DOCK1: variants seen among roughly 807,000 people sequenced by gnomAD.
The protein encoded by DOCK1 is dedicator of cytokinesis protein 1.
A neutral mutation model predicts 262.7 loss-of-function variants in DOCK1; 138 were observed. That is an observed-to-expected ratio of 0.53 (90% CI 0.46 to 0.61). The LOEUF (loss-of-function observed/expected upper bound fraction) is 0.61, where lower values mean the gene tolerates loss of function less well. Among genes scored for constraint, DOCK1 ranks in the 20% least tolerant of loss-of-function variants. DOCK1 has a pLI of 0.00. For missense variants in DOCK1, 1,908 were observed against 2,370.7 expected (o/e 0.80, Z 4.05); for synonymous variants, 866 against 867.4 (o/e 1.00, Z 0.03).
intron 27 of DOCK1, among the ~76,000 whole-genome samples, chr10:127,186,749 G>A (rs1250963594): frequency 6.6e-6 from 1 of 152,034 alleles, no homozygotes; most frequent in Non-Finnish European, 1.5e-5. Context: ...CCACACTGCT[G>A]TTGTCCATTG....
chr10:127,067,011 A>C (rs1005917392), intron 23 of DOCK1, among the ~76,000 whole-genome samples: 2 of 152,260 alleles, frequency 1.3e-5, no homozygotes, highest in Non-Finnish European at 2.9e-5. Context: ...TGCCATCCAC[A>C]TCAATGGAGA....
chr10:127,277,223 T>C (rs2060774677), intron 29 of DOCK1, among the ~76,000 whole-genome samples: 1 of 150,570 alleles, frequency 6.6e-6, no homozygotes, highest in Non-Finnish European at 1.5e-5. Flanking sequence ...TTTTATCCTA[T>C]ACAATTATAA....
intron 1 of DOCK1, among the ~76,000 whole-genome samples, chr10:126,934,229 A>G (rs1161011128): frequency 3.3e-5 from 5 of 152,226 alleles, no homozygotes; most frequent in African/African-American, 4.8e-5. Flanking sequence ...TAGTCTAAAC[A>G]GGATCTAGAT....
chr10:127,107,271 G>A (rs1452399719), intron 24 of DOCK1, among the ~76,000 whole-genome samples: 1 of 152,092 alleles, frequency 6.6e-6, no homozygotes, highest in Non-Finnish European at 1.5e-5. Flanking sequence ...TATTAGTAAA[G>A]GGCCATCTGT....
At chr10:127,065,098 C>T (rs2045779016) in intron 23 of DOCK1, among the ~76,000 whole-genome samples, 1 of 152,184 alleles carries the variant, frequency 6.6e-6, no homozygotes, top group Admixed American at 6.5e-5. Context: ...CAACCTCTGC[C>T]TTCCCGGTTC....
chr10:126,941,397 TTA>T (rs1367224908), intron 1 of DOCK1, among the ~76,000 whole-genome samples: 6 of 151,206 alleles, frequency 4.0e-5, no homozygotes, highest in Non-Finnish European at 7.4e-5. Flanking sequence ...AGTTTTAACT[TTA>T]GTCTTTTAAA....
intron 25 of DOCK1, among the ~76,000 whole-genome samples, chr10:127,112,301 C>T (rs1592072740): frequency 1.3e-5 from 2 of 152,252 alleles, no homozygotes; most frequent in East Asian, 1.9e-4. Flanking sequence ...CGTGAGCCAC[C>T]GAGCCTGACC....
At chr10:127,366,123 A>G (rs2064892834) in intron 33 of DOCK1, among the ~76,000 whole-genome samples, 1 of 152,048 alleles carries the variant, frequency 6.6e-6, no homozygotes, top group Non-Finnish European at 1.5e-5. Context: ...GAGCGTGGTC[A>G]GCTACCTGAA....
intron 22 of DOCK1, among the ~76,000 whole-genome samples, chr10:127,053,612 T>A (rs558932950): frequency 6.6e-5 from 10 of 152,330 alleles, no homozygotes; most frequent in African/African-American, 2.4e-4. Context: ...ACAAAAAATG[T>A]ATTTATTACC....
At chr10:127,431,893 G>A (rs1007160671) in intron 47 of DOCK1, among the ~76,000 whole-genome samples, 1 of 152,320 alleles carries the variant, frequency 6.6e-6, no homozygotes, top group Admixed American at 6.5e-5. Flanking sequence ...TGGCCCGTTA[G>A]GAACTGGGCC....
intron 27 of DOCK1, among the ~76,000 whole-genome samples, chr10:127,153,049 G>A (rs1383262025): frequency 1.3e-5 from 2 of 152,072 alleles, no homozygotes; most frequent in African/African-American, 2.4e-5. Context: ...TTTTTAGAGG[G>A]TTTTTTGGTT....
At chr10:127,217,394 A>G (rs1238564921) in intron 27 of DOCK1, among the ~76,000 whole-genome samples, 1 of 152,252 alleles carries the variant, frequency 6.6e-6, no homozygotes, top group African/African-American at 2.4e-5. Flanking sequence ...GATTTACTGG[A>G]AACCAAATTG....
chr10:127,261,507 G>C (rs2060114699), intron 29 of DOCK1, among the ~76,000 whole-genome samples: 3 of 137,466 alleles, frequency 2.2e-5, no homozygotes, highest in African/African-American at 8.4e-5. Flanking sequence ...GTGCATGTGG[G>C]TGTGTGTGTA....
At chr10:127,055,445 T>C (rs1328366196) in intron 22 of DOCK1, among the ~76,000 whole-genome samples, 1 of 152,226 alleles carries the variant, frequency 6.6e-6, no homozygotes, top group African/African-American at 2.4e-5. Context: ...TCATGTGCTT[T>C]CATCTTATTG....
At chr10:126,980,904 G>A (rs2038917305) in intron 3 of DOCK1, among the ~76,000 whole-genome samples, 1 of 150,986 alleles carries the variant, frequency 6.6e-6, no homozygotes, top group Non-Finnish European at 1.5e-5. Context: ...CTTTATTCCA[G>A]TAAGGGAGTT....
intron 29 of DOCK1, among the ~76,000 whole-genome samples, chr10:127,332,853 G>A (rs1338872263): frequency 3.3e-5 from 5 of 152,148 alleles, no homozygotes; most frequent in Admixed American, 1.3e-4. Flanking sequence ...GAGACGGAGC[G>A]GCTGAGATGA....
Position 127,012,290 on chromosome 10 carries a change from C to T in DOCK1, c.1117C>T (p.Pro373Ser), listed in dbSNP as rs774392847. The T allele has an allele frequency of 2.5e-5, 41 of 1,613,878 alleles. No individual in the cohort carries two copies. The South Asian group carries it at 4.3e-4, about 17-fold the overall frequency. The change falls in exon 12 of 52, where the codon CCC (proline) becomes TCC (serine). Residue 373 changes from proline to serine, a missense_variant. By Grantham distance (74) the Pro-to-Ser change is moderately conservative. Coordinates refer to ENST00000623213, the MANE Select transcript of DOCK1 (RefSeq NM_001290223.2). This position sits in a 1 kb window ranked among gnomAD's most constrained non-coding sequence, Gnocchi z 4.0. ...GCTGAACATGTCATCCCGTTTTTCACCCAGGGTGGCAGGGGAGAATGACTT... is the reference window on the plus strand; with the variant it reads ...GCTGAACATGTCATCCCGTTTTTCATCCAGGGTGGCAGGGGAGAATGACTT... ...KPLNMSSRFS[P>S]RVAGENDFLQ...
At chr10:127,227,560 G>A (rs915416840) in intron 27 of DOCK1, among the ~76,000 whole-genome samples, 1 of 152,222 alleles carries the variant, frequency 6.6e-6, no homozygotes, top group Non-Finnish European at 1.5e-5. Flanking sequence ...AAGATGGGCT[G>A]AGCACTCTAC....
chr10:127,336,689 G>T (rs185991669), intron 29 of DOCK1, among the ~76,000 whole-genome samples: 1 of 151,916 alleles, frequency 6.6e-6, no homozygotes, highest in Non-Finnish European at 1.5e-5. Context: ...GCAGGTGCCC[G>T]CCACCACACC....
Sources: gnomAD v4.1 joint callset for allele counts (sites outside exome capture counted in the v4.1 genomes callset) on GRCh38, gnomAD v4.1.1 for gene constraint, Gnocchi (gnomAD v3.1) non-coding constraint, MANE v1.5 for transcripts, NCBI Gene and HGNC (gene_info 2026-07-23, HGNC 2026-07-21) for gene names.